The following ABCG2 variants were observed in gnomAD, a reference collection of about 807,000 sequenced individuals.
The protein encoded by ABCG2 is ATP binding cassette subfamily G member 2 (JR blood group).
Under a neutral mutation model 73.5 loss-of-function variants are expected in ABCG2, and 80 were observed. The observed-to-expected ratio is 1.09, with a 90% confidence interval of 0.91 to 1.31. The LOEUF (loss-of-function observed/expected upper bound fraction) is 1.31. Ranked by LOEUF, ABCG2 falls within the 50% of genes most tolerant of loss-of-function variation. ABCG2 has a pLI of 0.00. For synonymous variants in ABCG2, 269 were observed against 282.4 expected (o/e 0.95, Z 0.48); for missense variants, 796 against 786.2 (o/e 1.01, Z -0.15).
chr4:88,139,663 A>T (rs1725488101), intron 2 of ABCG2, 130 bp downstream of exon 2: 1 of 708,774 alleles, frequency 1.4e-6, no homozygotes, highest in Non-Finnish European at 2.3e-6. Flanking sequence ...AAATGAAAGC[A>T]TGTGTCTGTA....
chr4:88,113,156 T>A, intron 9 of ABCG2, 147 bp downstream of exon 9: 1 of 1,127,646 alleles, frequency 8.9e-7, no homozygotes. Context: ...TGTCCTTTAT[T>A]TGTTCTGCTG....
At chr4:88,181,779 A>C (rs150536334) in intron 1 of ABCG2, among the ~76,000 whole-genome samples, 12 of 152,332 alleles carry the variant, frequency 7.9e-5, no homozygotes, top group Non-Finnish European at 1.5e-4. Flanking sequence ...AGATCAAAAA[A>C]GATAAAACAG....
At chr4:88,142,885 T>C (rs1042846468) in intron 1 of ABCG2, among the ~76,000 whole-genome samples, 6 of 151,994 alleles carry the variant, frequency 3.9e-5, no homozygotes, top group African/African-American at 1.2e-4. Context: ...GAGGCAGAGA[T>C]TGCAGTGAGC....
intron 12 of ABCG2, among the ~76,000 whole-genome samples, chr4:88,098,021 T>A (rs975581605): frequency 6.6e-6 from 1 of 152,178 alleles, no homozygotes; most frequent in African/African-American, 2.4e-5. Context: ...CTCACAGTGG[T>A]TGTAGTATCT....
At chr4:88,152,818 G>C (rs1298630830) in intron 1 of ABCG2, among the ~76,000 whole-genome samples, 1 of 152,114 alleles carries the variant, frequency 6.6e-6, no homozygotes. Context: ...GGTATGGAGA[G>C]AGAATGGGTG....
intron 2 of ABCG2, among the ~76,000 whole-genome samples, chr4:88,138,052 G>A (rs1725372421): frequency 1.3e-5 from 2 of 152,160 alleles, no homozygotes; most frequent in African/African-American, 2.4e-5. Flanking sequence ...AGGCTGAGGC[G>A]GGAGAATCAC....
At chr4:88,129,913 TC>T (rs1403939062) in intron 5 of ABCG2, among the ~76,000 whole-genome samples, 1 of 152,196 alleles carries the variant, frequency 6.6e-6, no homozygotes, top group Non-Finnish European at 1.5e-5. Flanking sequence ...ACTTTGTCTC[TC>T]TTGCCCACAA....
At chr4:88,120,607 G>A (rs1200622451) in intron 6 of ABCG2, among the ~76,000 whole-genome samples, 6 of 152,142 alleles carry the variant, frequency 3.9e-5, no homozygotes, top group South Asian at 2.1e-4. Context: ...TCGGACTTGC[G>A]TGGGACCTGT....
chr4:88,110,877 G>T (rs549618093), intron 9 of ABCG2, among the ~76,000 whole-genome samples: 1 of 151,630 alleles, frequency 6.6e-6, no homozygotes, highest in Non-Finnish European at 1.5e-5. Flanking sequence ...TTCACAAATC[G>T]AAACAAAACT....
At chr4:88,170,847 C>T (rs905513730) in intron 1 of ABCG2, among the ~76,000 whole-genome samples, 1 of 152,052 alleles carries the variant, frequency 6.6e-6, no homozygotes, top group African/African-American at 2.4e-5. Context: ...CCTAAATGCC[C>T]ATAATTAGCA....
chr4:88,185,375 A>T (rs10023393), intron 1 of ABCG2, among the ~76,000 whole-genome samples: 2 of 152,050 alleles, frequency 1.3e-5, no homozygotes, highest in South Asian at 4.1e-4. Flanking sequence ...AACAAAACAA[A>T]ACTCAAACTA....
Position 88,091,920 on chromosome 4 carries a change from C to T in ABCG2, c.*314G>A. The T allele has an allele frequency of 4.6e-6, 1 of 219,232 alleles. No homozygotes were observed. Among genetic ancestry groups the T allele is most frequent in the East Asian group, 1.1e-4 (1 of 9,318 alleles). The allele number at this position is 219,232 out of a possible 1,614,324, so 13.6% of individuals were successfully genotyped here. On this transcript the variant is annotated 3_prime_UTR_variant, in exon 16 of 16. Coordinates refer to ENST00000237612, the MANE Select transcript of ABCG2 (RefSeq NM_004827.3). ...ATTTTAAAGATGAGGAAACAAATGCCAGAGACAGTAATAACTTGTCAGGAG... is the reference window on the plus strand; with the variant it reads ...ATTTTAAAGATGAGGAAACAAATGCTAGAGACAGTAATAACTTGTCAGGAG...
upstream of ABCG2, chr4:88,163,496 G>C (rs1238880554): frequency 1.2e-5 from 2 of 168,146 alleles, no homozygotes; most frequent in Non-Finnish European, 2.5e-5. Context: ...TAATGAAATG[G>C]GATCCAGAGG....
rs1578256959 is a variant in ABCG2 at position 88,175,806 on chromosome 4, T to A, written c.-19-35792A>T. Among the ~76,000 whole-genome samples, 3 of 152,330 alleles carry A rather than the reference T, an allele frequency of 2.0e-5. No homozygotes were observed. In the East Asian group the frequency reaches 5.8e-4, roughly 29 times the overall value. ...CCTGCCTCAGATCTGAAACCAACCA[T>A]TTATCTAAGAAGCTCTGATGCCTTT... On this transcript the variant is annotated intron_variant, in intron 1 of 15. Coordinates refer to the ABCG2 transcript ENST00000515655.
chr4:88,120,488 C>T (rs1348714461), intron 6 of ABCG2, among the ~76,000 whole-genome samples: 1 of 152,214 alleles, frequency 6.6e-6, no homozygotes, highest in Non-Finnish European at 1.5e-5. Context: ...AGGCCAGAGC[C>T]TCCCAAGGCC....
chr4:88,113,657 C>G, intron 8 of ABCG2, 104 bp from the exon 9 acceptor site: 19 of 1,433,730 alleles, frequency 1.3e-5, no homozygotes, highest in Non-Finnish European at 1.8e-5. Context: ...CACCTTCATT[C>G]TAAAGCTTTA....
At chr4:88,199,890 A>T (rs1477132965) in intron 1 of ABCG2, among the ~76,000 whole-genome samples, 1 of 151,904 alleles carries the variant, frequency 6.6e-6, no homozygotes, top group African/African-American at 2.4e-5. Context: ...GGTCCCAACT[A>T]CTCCGGGAGG....
At chr4:88,202,350 T>TATATATATATATATATA (rs1553945697) in intron 1 of ABCG2, among the ~76,000 whole-genome samples, 2 of 35,396 alleles carry the variant, frequency 5.7e-5, no homozygotes, top group East Asian at 0.011. Flanking sequence ...ATCTCTACAA[T>TATATATATATATATATA]TATTTATATA....
At chr4:88,158,852 G>C (rs1240252026), upstream of ABCG2, 2 of 334,884 alleles carry the variant, frequency 6.0e-6, no homozygotes, top group East Asian at 2.1e-4. Flanking sequence ...AGCTCAGGCA[G>C]CGCTGACACG....
Sources: gnomAD v4.1 joint callset for allele counts (sites outside exome capture counted in the v4.1 genomes callset) on GRCh38, gnomAD v4.1.1 for gene constraint, MANE v1.5 for transcripts, NCBI Gene and HGNC (gene_info 2026-07-23, HGNC 2026-07-21) for gene names.